Variants in SLC44A1 observed in about 807,000 individuals in gnomAD.
SLC44A1 encodes solute carrier family 44 member 1.
In SLC44A1, 26 loss-of-function variants were observed where a neutral mutation model predicts 79.3. The ratio of observed to expected loss-of-function variants is 0.33; its 90% CI spans 0.24 to 0.46. SLC44A1 has a LOEUF of 0.46. Among genes scored for constraint, SLC44A1 ranks in the 20% least tolerant of loss-of-function variants. The pLI is 1.00. For missense variants in SLC44A1, 688 were observed against 798.1 expected (o/e 0.86, Z 1.66); for synonymous variants, 263 against 286.2 (o/e 0.92, Z 0.82).
chr9:105,427,094 C>T (rs992533257), intron 15 of SLC44A1, among the ~76,000 whole-genome samples: 18 of 152,150 alleles, frequency 1.2e-4, no homozygotes, highest in African/African-American at 4.1e-4. Flanking sequence ...CCGCGCTCAG[C>T]TAATTTTTTG....
intron 3 of SLC44A1, among the ~76,000 whole-genome samples, chr9:105,325,434 G>C (rs1225266618): frequency 2.0e-5 from 3 of 152,216 alleles, no homozygotes; most frequent in Non-Finnish European, 4.4e-5. Context: ...AAAAAGGAAT[G>C]TATTTCTTAT....
Position 105,348,351 on chromosome 9 carries a change from T to C in SLC44A1, c.407-7T>C, listed in dbSNP as rs1372771980. ...TCTGCCACCTAACATAATTTTTCTT[T>C]CAACAGGTTCAGCCCTATGTAGCTA... On this transcript the variant is annotated splice_polypyrimidine_tract_variant and splice_region_variant and intron_variant, in intron 4 of 15. Coordinates refer to ENST00000374720, the MANE Select transcript of SLC44A1 (RefSeq NM_080546.5). 1.9e-6 allele frequency: 3 copies of C among 1,554,844 alleles called. No homozygotes were observed. The highest frequency in any genetic ancestry group is 2.7e-6 in the Non-Finnish European group (3 of 1,131,678).
chr9:105,271,557 G>C (rs1242465599), intron 1 of SLC44A1, among the ~76,000 whole-genome samples: 1 of 152,202 alleles, frequency 6.6e-6, no homozygotes, highest in African/African-American at 2.4e-5. Flanking sequence ...GTTTGGGATG[G>C]CTGGAGTGTG....
chr9:105,418,329 A>G (rs1829201065), intron 15 of SLC44A1, among the ~76,000 whole-genome samples: 3 of 151,382 alleles, frequency 2.0e-5, no homozygotes, highest in South Asian at 4.1e-4. Context: ...AAAAAAAAAA[A>G]AAAAAAGAAA....
chr9:105,268,235 C>T (rs770782626), intron 1 of SLC44A1, among the ~76,000 whole-genome samples: 6 of 152,044 alleles, frequency 3.9e-5, no homozygotes, highest in Non-Finnish European at 8.8e-5. Context: ...TATATTAAAC[C>T]ATGAATTCCT....
chr9:105,432,706 C>A (rs915872428), intron 15 of SLC44A1, among the ~76,000 whole-genome samples: 5 of 152,192 alleles, frequency 3.3e-5, no homozygotes, highest in African/African-American at 1.2e-4. Context: ...AGAAACATAA[C>A]CCTGAACCTT....
chr9:105,277,894 A>G (rs1225735140), intron 1 of SLC44A1, among the ~76,000 whole-genome samples: 1 of 152,144 alleles, frequency 6.6e-6, no homozygotes, highest in East Asian at 1.9e-4. Context: ...ACAGTCAGAA[A>G]ATTCTGTGTA....
At chr9:105,259,762 T>A (rs935109676) in intron 1 of SLC44A1, among the ~76,000 whole-genome samples, 3 of 152,252 alleles carry the variant, frequency 2.0e-5, no homozygotes, top group African/African-American at 7.2e-5. Flanking sequence ...CATTTTTCAG[T>A]GTACACTGCT....
chr9:105,355,777 G>A (rs1397862040), intron 5 of SLC44A1: 1 of 155,202 alleles, frequency 6.4e-6, no homozygotes, highest in Non-Finnish European at 1.4e-5. Context: ...GTAAAAGCAT[G>A]TGCTTTTTAT....
At chr9:105,388,740 T>A (rs1236876218) in intron 15 of SLC44A1, among the ~76,000 whole-genome samples, 1 of 152,188 alleles carries the variant, frequency 6.6e-6, no homozygotes, top group Non-Finnish European at 1.5e-5. Flanking sequence ...TTTCTGACTG[T>A]CTGCTTGCTA....
At chr9:105,408,329 T>G (rs1829054740) in intron 15 of SLC44A1, among the ~76,000 whole-genome samples, 1 of 152,106 alleles carries the variant, frequency 6.6e-6, no homozygotes. Context: ...AAATAAAAAA[T>G]AAAAACATCA....
intron 1 of SLC44A1, among the ~76,000 whole-genome samples, chr9:105,245,343 G>A (rs1829410862): frequency 6.6e-6 from 1 of 152,214 alleles, no homozygotes; most frequent in Admixed American, 6.5e-5. Context: ...GCTCCTCGCA[G>A]GTGTACCCCC....
intron 1 of SLC44A1, among the ~76,000 whole-genome samples, chr9:105,254,503 C>T (rs772401364): frequency 9.9e-5 from 15 of 152,260 alleles, no homozygotes; most frequent in Middle Eastern, 3.4e-3. Context: ...CAGGATTGGG[C>T]GTGGTGACTG....
rs1827828594 is a variant in SLC44A1 at position 105,363,007 on chromosome 9, G to A, written c.1087G>A (p.Gly363Ser). 4 of 1,596,390 alleles carry A rather than the reference G, an allele frequency of 2.5e-6. No individual in the cohort carries two copies. The highest frequency in any genetic ancestry group is 2.6e-6 in the Non-Finnish European group (3 of 1,171,412). ...GACACTTCTTTTTCTTGGCACTACC[G>A]GTAAGAAGATAAGCTTCTTTCTCTT... ...IMTLLFLGTT[G>S]SPVQNEQGFV... is the part of the protein sequence containing the mutation. The change falls in exon 9 of 16, where the codon GGC becomes AGC. Residue 363 changes from glycine to serine, a missense_variant and splice_region_variant. Coordinates refer to ENST00000374720, the MANE Select transcript of SLC44A1 (RefSeq NM_080546.5).
chr9:105,309,631 CAGCAGACAA>C, intron 2 of SLC44A1, 84 bp from the exon 3 acceptor site: 1 of 1,143,364 alleles, frequency 8.7e-7, no homozygotes, highest in Middle Eastern at 2.1e-4. Flanking sequence ...TTGTTCCCTT[CAGCAGACAA>C]AAAGAAGCTC....
chr9:105,364,654 G>T lies in SLC44A1; in HGVS notation c.1187G>T (p.Ser396Ile). The T allele has an allele frequency of 6.2e-7, 1 of 1,614,134 alleles. No individual in the cohort carries two copies. The highest frequency in any genetic ancestry group is 2.2e-5 in the East Asian group (1 of 44,890). ...WYHVVGLIWISEFILACQQMT... is the reference protein window; with the variant it reads ...WYHVVGLIWIIEFILACQQMT... ...CATGTGGTGGGCCTGATTTGGATCA[G>T]TGAATTTATTCTAGCATGTCAGCAG... The change falls in exon 10 of 16, where the codon AGT becomes ATT. Residue 396 changes from serine to isoleucine, a missense_variant. By Grantham distance (142) the Ser-to-Ile change is moderately radical. Transcript: ENST00000374720.
chr9:105,412,704 C>A (rs10114015), intron 15 of SLC44A1, among the ~76,000 whole-genome samples: 3,681 of 152,148 alleles, frequency 0.024, 127 homozygotes, highest in African/African-American at 0.083. Flanking sequence ...TGGGTTCTAG[C>A]GATTCTCCTG....
intron 15 of SLC44A1, among the ~76,000 whole-genome samples, chr9:105,426,262 A>G (rs1332033606): frequency 6.6e-6 from 1 of 152,130 alleles, no homozygotes; most frequent in Non-Finnish European, 1.5e-5. Flanking sequence ...AACACTGGAG[A>G]ATGTCCTGGG....
At chr9:105,313,120 G>A (rs1831225474) in intron 3 of SLC44A1, among the ~76,000 whole-genome samples, 1 of 152,264 alleles carries the variant, frequency 6.6e-6, no homozygotes, top group East Asian at 1.9e-4. Flanking sequence ...CTTTCTGCCA[G>A]TCTGAATTCT....
Sources: allele counts gnomAD v4.1 joint callset (sites outside exome capture counted in the v4.1 genomes callset), GRCh38; gene constraint gnomAD v4.1.1; transcripts MANE v1.5; gene names NCBI Gene and HGNC (gene_info 2026-07-23, HGNC 2026-07-21).